Variants in STX8 observed in about 807,000 individuals in gnomAD.
STX8 encodes syntaxin-8.
A neutral mutation model predicts 37.5 loss-of-function variants in STX8; 23 were observed. The observed-to-expected ratio is 0.61, with a 90% CI of 0.44 to 0.87. The LOEUF (loss-of-function observed/expected upper bound fraction) is 0.87, where lower values mean the gene tolerates loss of function less well. Ranked by LOEUF, STX8 falls within the 40% of genes least tolerant of loss-of-function variation. STX8 has a pLI of 0.00. For missense variants in STX8, 313 were observed against 284.7 expected, an observed-to-expected ratio of 1.10 and a Z score of -0.71; for synonymous variants, 115 against 99.1, an observed-to-expected ratio of 1.16 and a Z score of -0.95.
Position 9,384,531 on chromosome 17 carries a change from G to A in STX8, c.542-5878C>T, listed in dbSNP as rs545935939. ...TGGGCTCCTGTAGTCCCAGCTACTC[G>A]GGAGGCTGAGGCAGGAGAATGGCAT... On this transcript the variant is annotated intron_variant, in intron 6 of 7. Transcript: ENST00000306357. Among the ~76,000 whole-genome samples, 17 of 152,034 alleles carry A rather than the reference G, an allele frequency of 1.1e-4. No homozygotes were observed. The East Asian group carries it at 2.7e-3, about 24-fold the overall frequency.
At position 9,574,781 on chromosome 17, in the gene STX8, G is replaced by A. The variant is rs1907832330; in HGVS notation, c.17+1011C>T. Among the ~76,000 whole-genome samples, 3 of 152,206 alleles carry A rather than the reference G, an allele frequency of 2.0e-5. No homozygotes were observed. The South Asian group carries it at 6.2e-4, about 32-fold the overall frequency. ...CCTCCCGACCTCAGGTGATCTGCCT[G>A]CCTCGGCCTCCCAAAGTACTGGGAT... On this transcript the variant is annotated intron_variant, in intron 1 of 7. Coordinates refer to ENST00000306357, the MANE Select transcript of STX8 (RefSeq NM_004853.3).
chr17:9,385,570 T>C (rs1911969756), intron 6 of STX8, among the ~76,000 whole-genome samples: 2 of 152,130 alleles, frequency 1.3e-5, no homozygotes, highest in African/African-American at 2.4e-5. Flanking sequence ...AGCTCAAATA[T>C]TGTTAAGTCA....
At chr17:9,383,827 G>A (rs1047788716) in intron 6 of STX8, among the ~76,000 whole-genome samples, 1 of 151,986 alleles carries the variant, frequency 6.6e-6, no homozygotes, top group Non-Finnish European at 1.5e-5. Flanking sequence ...ATAAAGAACG[G>A]AGAAAAAATA....
intron 7 of STX8, among the ~76,000 whole-genome samples, chr17:9,257,059 C>A (rs1219440942): frequency 6.6e-6 from 1 of 152,210 alleles, no homozygotes; most frequent in Non-Finnish European, 1.5e-5. Context: ...AGCTCCTGCC[C>A]TGGGCCCGCT....
intron 1 of STX8, among the ~76,000 whole-genome samples, chr17:9,570,392 C>T (rs1033488217): frequency 1.3e-5 from 2 of 151,950 alleles, no homozygotes; most frequent in African/African-American, 4.8e-5. Flanking sequence ...TGTAAAGCAG[C>T]ACCATTCATG....
intron 6 of STX8, among the ~76,000 whole-genome samples, chr17:9,379,244 CAAA>C (rs34928127): frequency 5.2e-5 from 4 of 76,668 alleles, no homozygotes; most frequent in Non-Finnish European, 5.2e-5. Flanking sequence ...GACTCCATCT[CAAA>C]AAAAAAAAAA....
At chr17:9,488,314 G>A (rs954078336) in intron 6 of STX8, among the ~76,000 whole-genome samples, 71 of 110,106 alleles carry the variant, frequency 6.4e-4, no homozygotes, top group African/African-American at 2.1e-3. Context: ...CAACAAGGGC[G>A]AAACTCTGTC....
At chr17:9,533,319 T>C (rs767411732) in intron 4 of STX8, among the ~76,000 whole-genome samples, 9 of 151,998 alleles carry the variant, frequency 5.9e-5, no homozygotes, top group Non-Finnish European at 1.0e-4. Context: ...AATACAAAAA[T>C]GAGCTGGGCA....
chr17:9,324,126 TCACACA>T (rs35942102), intron 7 of STX8, among the ~76,000 whole-genome samples: 17,634 of 135,552 alleles, frequency 0.13, 1,254 homozygotes, highest in East Asian at 0.19. Context: ...TCTCTCTCTC[TCACACA>T]CACACACACA....
intron 1 of STX8, among the ~76,000 whole-genome samples, chr17:9,575,290 G>A (rs1221700959): frequency 2.0e-5 from 3 of 152,206 alleles, no homozygotes; most frequent in Non-Finnish European, 2.9e-5. Context: ...CCAGGTTCCT[G>A]TATCTGGAAG....
chr17:9,540,655 TTG>T (rs1311698328), intron 4 of STX8: 5 of 152,384 alleles, frequency 3.3e-5, no homozygotes, highest in African/African-American at 1.2e-4. Flanking sequence ...CGGACCATCA[TTG>T]TGTGTTATGT....
At chr17:9,510,212 T>C (rs372756617) in intron 4 of STX8, among the ~76,000 whole-genome samples, 10 of 152,272 alleles carry the variant, frequency 6.6e-5, no homozygotes, top group Middle Eastern at 6.8e-3. Context: ...ACTCTCAGCA[T>C]TGGACAGATC....
At chr17:9,408,243 A>G (rs1352130976) in intron 6 of STX8, among the ~76,000 whole-genome samples, 1 of 152,182 alleles carries the variant, frequency 6.6e-6, no homozygotes, top group Non-Finnish European at 1.5e-5. Context: ...TACTGAATGG[A>G]GGAAACAGCG....
At chr17:9,329,050 CAAAA>C (rs998679728) in intron 7 of STX8, among the ~76,000 whole-genome samples, 26 of 27,990 alleles carry the variant, frequency 9.3e-4, no homozygotes, top group African/African-American at 1.7e-3. Context: ...GATTCCATCT[CAAAA>C]AAAAAAAAAA....
intron 6 of STX8, among the ~76,000 whole-genome samples, chr17:9,456,539 G>A (rs906894945): frequency 6.6e-6 from 1 of 152,142 alleles, no homozygotes; most frequent in Admixed American, 6.5e-5. Context: ...TGTGGAGATG[G>A]AAAAAGAGTC....
rs142804571 is a variant in STX8 at position 9,328,777 on chromosome 17, C to T, written c.643+49775G>A. The stretch of plus-strand genomic sequence containing the variant: ...TTAAGATGGTGGCTGAGGCCGGATG[C>T]GGTGGCTCACGCCTGTAATCCCAGC... On this transcript the variant is annotated intron_variant, in intron 7 of 7. Coordinates refer to ENST00000306357, the MANE Select transcript of STX8 (RefSeq NM_004853.3). Among the ~76,000 whole-genome samples the T allele has an allele frequency of 5.4e-3, 824 of 152,122 alleles. 6 individuals carry two copies. Among genetic ancestry groups the T allele is most frequent in the African/African-American group, 0.018 (728 of 41,504 alleles).
chr17:9,252,637 TA>T (rs756737723), intron 7 of STX8, among the ~76,000 whole-genome samples: 32 of 133,940 alleles, frequency 2.4e-4, no homozygotes, highest in African/African-American at 6.0e-4. Flanking sequence ...AAAACGAAAA[TA>T]AAAAAAAAAA....
chr17:9,263,347 G>A (rs1907115667), intron 7 of STX8, among the ~76,000 whole-genome samples: 2 of 152,044 alleles, frequency 1.3e-5, no homozygotes, highest in Admixed American at 1.3e-4. Flanking sequence ...GGGCATGGTG[G>A]CACATGCCTG....
At chr17:9,353,208 T>C (rs901683781) in intron 7 of STX8, among the ~76,000 whole-genome samples, 1 of 151,996 alleles carries the variant, frequency 6.6e-6, no homozygotes, top group African/African-American at 2.4e-5. Flanking sequence ...CCTGTGGGAG[T>C]CCCTATAAGT....
Sources: gnomAD v4.1 joint callset for allele counts (sites outside exome capture counted in the v4.1 genomes callset) on GRCh38, gnomAD v4.1.1 for gene constraint, MANE v1.5 for transcripts, NCBI Gene and HGNC (gene_info 2026-07-23, HGNC 2026-07-21) for gene names.